The following SPMIP5 variants were observed in gnomAD, a reference collection of about 807,000 sequenced individuals.
The protein encoded by SPMIP5 is sperm-associated microtubule inner protein 5.
the SPMIP5 span, among the ~76,000 whole-genome samples, chr10:116,666,955 G>A: frequency 6.6e-6 from 1 of 152,312 alleles, no homozygotes; most frequent in Non-Finnish European, 1.5e-5. Context: ...CCCATGTAGT[G>A]GGTTGAACTG....
chr10:116,668,933 G>GCGCACACA, the SPMIP5 span, among the ~76,000 whole-genome samples: 4 of 135,282 alleles, frequency 3.0e-5, no homozygotes, highest in African/African-American at 5.8e-5. Flanking sequence ...GCACACACAT[G>GCGCACACA]CACACACACA....
chr10:116,662,666 C>A, the SPMIP5 span, among the ~76,000 whole-genome samples: 1 of 152,174 alleles, frequency 6.6e-6, no homozygotes, highest in South Asian at 2.1e-4. Flanking sequence ...CTTCTGCATA[C>A]GGGTGGTTGC....
At chr10:116,664,096 C>T in the SPMIP5 span, 1 of 1,613,276 alleles carries the variant, frequency 6.2e-7, no homozygotes, top group South Asian at 1.1e-5. Context: ...GCTGGCCCAG[C>T]TAAGCAGAAA....
the SPMIP5 span, chr10:116,664,084 G>A: frequency 1.9e-6 from 3 of 1,612,430 alleles, no homozygotes; most frequent in East Asian, 4.5e-5. Flanking sequence ...GAGTTGCAGG[G>A]AGCTGGCCCA....
At chr10:116,665,837 C>T in the SPMIP5 span, 7 of 1,598,490 alleles carry the variant, frequency 4.4e-6, no homozygotes, top group African/African-American at 2.7e-5. Flanking sequence ...CTGCAAGAGC[C>T]GAATGGAATC....
chr10:116,665,971 T>C, the SPMIP5 span: 2 of 709,888 alleles, frequency 2.8e-6, no homozygotes, highest in Non-Finnish European at 4.6e-6. Flanking sequence ...AGGCCATTAA[T>C]ACAAGCAGTG....
the SPMIP5 span, among the ~76,000 whole-genome samples, chr10:116,668,741 G>A: frequency 3.3e-5 from 5 of 151,836 alleles, no homozygotes; most frequent in South Asian, 6.2e-4. Context: ...GATGAGGCCC[G>A]CACACCCCCA....
chr10:116,664,535 C>T, the SPMIP5 span: 1 of 963,984 alleles, frequency 1.0e-6, no homozygotes, highest in Admixed American at 3.4e-5. Context: ...TGCAAACCAG[C>T]AAAGACCACA....
the SPMIP5 span, chr10:116,670,235 G>T: frequency 6.6e-6 from 1 of 152,344 alleles, no homozygotes; most frequent in Non-Finnish European, 1.5e-5. Flanking sequence ...AAGTCAAAGC[G>T]GGCGTTTTTG....
At chr10:116,666,819 T>C in the SPMIP5 span, among the ~76,000 whole-genome samples, 7 of 152,362 alleles carry the variant, frequency 4.6e-5, no homozygotes, top group African/African-American at 1.2e-4. Context: ...CTAGGTTTTA[T>C]ATTAGTGCAT....
At chr10:116,666,180 T>A in the SPMIP5 span, among the ~76,000 whole-genome samples, 1 of 152,232 alleles carries the variant, frequency 6.6e-6, no homozygotes, top group African/African-American at 2.4e-5. Flanking sequence ...AAATTATTCA[T>A]CTTTTTAAAG....
chr10:116,665,091 C>A, the SPMIP5 span: 37 of 1,421,170 alleles, frequency 2.6e-5, 1 homozygote, highest in Non-Finnish European at 3.4e-5. Flanking sequence ...GACTGTGCCC[C>A]CTCCCCTAGA....
At chr10:116,662,582 G>A in the SPMIP5 span, among the ~76,000 whole-genome samples, 6 of 152,184 alleles carry the variant, frequency 3.9e-5, no homozygotes, top group Non-Finnish European at 8.8e-5. Flanking sequence ...CCGAGGCCCA[G>A]CTTGCTGCCT....
chr10:116,663,159 G>A, the SPMIP5 span, among the ~76,000 whole-genome samples: 1 of 148,614 alleles, frequency 6.7e-6, no homozygotes, highest in Admixed American at 6.8e-5. Context: ...TCCAGCCTGG[G>A]TGACAGAGCT....
At chr10:116,667,600 G>A in the SPMIP5 span, among the ~76,000 whole-genome samples, 2 of 152,166 alleles carry the variant, frequency 1.3e-5, no homozygotes, top group Non-Finnish European at 2.9e-5. Context: ...TCCTGAGAAC[G>A]GCTGTATGGG....
the SPMIP5 span, among the ~76,000 whole-genome samples, chr10:116,668,751 A>C: frequency 6.6e-6 from 1 of 151,860 alleles, no homozygotes; most frequent in African/African-American, 2.4e-5. Context: ...GCACACCCCC[A>C]GACCTCCTTC....
At chr10:116,663,695 A>T in the SPMIP5 span, 9 of 546,464 alleles carry the variant, frequency 1.6e-5, no homozygotes, top group Non-Finnish European at 2.8e-5. Flanking sequence ...AAACTTTAGC[A>T]TGCGGAGAAG....
At chr10:116,669,236 AGAG>A in the SPMIP5 span, among the ~76,000 whole-genome samples, 1 of 152,178 alleles carries the variant, frequency 6.6e-6, no homozygotes, top group East Asian at 1.9e-4. Context: ...GGCTGGAAGA[AGAG>A]GATTCAGGGT....
the SPMIP5 span, chr10:116,668,314 A>G: frequency 4.6e-3 from 7,476 of 1,611,960 alleles, 28 homozygotes; most frequent in Non-Finnish European, 5.9e-3. Flanking sequence ...AGGCTCCATG[A>G]TTTCGCTCTC....
Sources: allele counts gnomAD v4.1 joint callset (sites outside exome capture counted in the v4.1 genomes callset), GRCh38; gene constraint gnomAD v4.1.1; transcripts MANE v1.5; gene names NCBI Gene and HGNC (gene_info 2026-07-23, HGNC 2026-07-21).